LCA5L: variants seen among roughly 807,000 people sequenced by gnomAD.
LCA5L encodes lebercilin-like protein.
LCA5L carries 35 observed loss-of-function variants against 45.4 expected under a neutral mutation model. That is an observed-to-expected ratio of 0.77 (90% CI 0.59 to 1.02). LCA5L has a LOEUF of 1.02. LCA5L is among the 50% of genes least tolerant of loss of function. The pLI is 0.00. For missense variants in LCA5L, 668 were observed against 761.6 expected (o/e 0.88, Z 1.45); for synonymous variants, 233 against 264.7 (o/e 0.88, Z 1.16).
rs781409076 is a variant in LCA5L at position 39,423,174 on chromosome 21, T to G, written c.639A>C (p.Leu213=). The part of the protein sequence containing the change: ...HQNEVKNLRQ[L]LRKSQEKERT... ...TTTCCTTTTCCTGGGATTTCCTAAG[T>G]AGTTGCCTTAAATTTTTTACTTCAT... The change falls in exon 6 of 11, where the codon CTA becomes CTC. Residue 213 remains leucine, a synonymous_variant. Transcript: ENST00000288350. 6.2e-7 allele frequency: 1 copy of G among 1,613,166 alleles called. No individual in the cohort carries two copies. Among genetic ancestry groups the G allele is most frequent in the African/African-American group, 1.3e-5 (1 of 74,888 alleles).
chr21:39,405,876 T>C lies in LCA5L; in HGVS notation c.*6A>G. On this transcript the variant is annotated 3_prime_UTR_variant, in exon 11 of 11. Coordinates refer to ENST00000288350, the MANE Select transcript of LCA5L (RefSeq NM_152505.4). ...AAACCAGAATGCATTAGGATATTGA[T>C]TATATTTAAATAATTATTTTTCTTT... is the stretch of plus-strand genomic sequence containing the variant. 1 of 1,547,210 alleles carries C rather than the reference T, an allele frequency of 6.5e-7. No individual in the cohort carries two copies. Among genetic ancestry groups the C allele is most frequent in the East Asian group, 2.3e-5 (1 of 43,192 alleles).
At chr21:39,440,240 G>A (rs2076693696) in intron 2 of LCA5L, among the ~76,000 whole-genome samples, 1 of 152,142 alleles carries the variant, frequency 6.6e-6, no homozygotes, top group African/African-American at 2.4e-5. Flanking sequence ...ATGATCCTAA[G>A]CCTGAGGCAG....
Position 39,420,726 on chromosome 21 carries a change from G to T in LCA5L, c.955C>A (p.His319Asn). The change falls in exon 7 of 11, where the codon CAC becomes AAC. Residue 319 changes from histidine (H) to asparagine (N), a missense_variant. Transcript: ENST00000288350. The stretch of plus-strand genomic sequence containing the variant: ...AATACCTTAAGTTTTTGTTGAAGGT[G>T]TTTTACTTCCACCTGCAGAGTCTTG... The part of the protein sequence containing the change: ...ATKTLQVEVK[H>N]LQQKLKEKDR... 1 of 1,612,256 alleles carries T rather than the reference G, an allele frequency of 6.2e-7. No homozygotes were observed. Among genetic ancestry groups the T allele is most frequent in the South Asian group, 1.1e-5 (1 of 90,920 alleles).
rs61154033 is a variant in LCA5L, at chr21:39,442,950, T to C, written c.-246+1185A>G. Among the ~76,000 whole-genome samples, 627 of 152,076 alleles carry C rather than the reference T, an allele frequency of 4.1e-3. 5 individuals are homozygous for C. The highest frequency in any genetic ancestry group is 0.015 in the African/African-American group (609 of 41,476). On this transcript the variant is annotated intron_variant, in intron 2 of 10. Transcript: ENST00000288350. ...GATGCCGAGCTTTGAGAATCTCCAATATTAAGGAGCCTGGGAGAGGAGGGT... is the reference window on the plus strand; with the variant it reads ...GATGCCGAGCTTTGAGAATCTCCAACATTAAGGAGCCTGGGAGAGGAGGGT...
chr21:39,425,659 A>G (rs565762849), intron 5 of LCA5L, among the ~76,000 whole-genome samples: 2 of 152,296 alleles, frequency 1.3e-5, no homozygotes, highest in Admixed American at 1.3e-4. Flanking sequence ...CCCAGGCCGT[A>G]TGGATCAGGC....
intron 5 of LCA5L, among the ~76,000 whole-genome samples, chr21:39,425,621 T>G (rs1335584793): frequency 6.6e-6 from 1 of 152,190 alleles, no homozygotes; most frequent in Non-Finnish European, 1.5e-5. Context: ...ACTTTAATAC[T>G]CTGGGCACTG....
At chr21:39,421,476 G>A (rs2147662686) in intron 6 of LCA5L, 1 of 152,206 alleles carries the variant, frequency 6.6e-6, no homozygotes, top group African/African-American at 2.4e-5. Context: ...GTTATAAAAG[G>A]GACTCAAACC....
At chr21:39,419,523 C>CAAAAAAAAAAAAA (rs5843964) in intron 7 of LCA5L, among the ~76,000 whole-genome samples, 1 of 123,552 alleles carries the variant, frequency 8.1e-6, no homozygotes, top group African/African-American at 3.6e-5. Context: ...AGACCCTGTT[C>CAAAAAAAAAAAAA]AAAAAAAAAA....
chr21:39,411,943 A>G (rs2040155162), intron 7 of LCA5L, 141 bp from the exon 8 acceptor site: 2 of 540,062 alleles, frequency 3.7e-6, no homozygotes, highest in Admixed American at 6.8e-5. Context: ...AGGCCATATC[A>G]TCCTATACCA....
intron 5 of LCA5L, 111 bp from the exon 6 acceptor site, chr21:39,423,601 C>T (rs2074112444): frequency 2.3e-6 from 2 of 878,666 alleles, no homozygotes; most frequent in South Asian, 2.2e-5. Flanking sequence ...CACACACATA[C>T]ACACAAGCGT....
chr21:39,423,555 G>A, intron 5 of LCA5L, 65 bp from the exon 6 acceptor site: 2 of 1,377,066 alleles, frequency 1.5e-6, no homozygotes, highest in Admixed American at 4.9e-5. Flanking sequence ...ATGCACATAT[G>A]CATAATCTCT....
intron 2 of LCA5L, among the ~76,000 whole-genome samples, chr21:39,442,940 G>A (rs564932598): frequency 6.6e-6 from 1 of 152,186 alleles, no homozygotes; most frequent in Non-Finnish European, 1.5e-5. Context: ...CGAGCTTTGA[G>A]AATCTCCAAT....
chr21:39,405,951 A>G lies in LCA5L; in HGVS notation c.1944T>C (p.Ser648=). 2 of 1,613,626 alleles carry G rather than the reference A, an allele frequency of 1.2e-6. No homozygotes were observed. Among genetic ancestry groups the G allele is most frequent in the Non-Finnish European group, 1.7e-6 (2 of 1,179,532 alleles). Reference sequence around the variant, plus strand: ...TAATAGAATTTACCACAGTTACTTTAGAGTCTCCGAAAGCATGGCTGGTGG... The same window carrying G: ...TAATAGAATTTACCACAGTTACTTTGGAGTCTCCGAAAGCATGGCTGGTGG... ...QASTSHAFGD[S]KVTVVNSIKP... is the part of the protein sequence containing the mutation. The change falls in exon 11 of 11, where the codon TCT becomes TCC. Residue 648 remains serine, a synonymous_variant. Transcript: ENST00000288350.
chr21:39,406,456 C>T lies in LCA5L; in HGVS notation c.1439G>A (p.Arg480Lys). Residue 480 changes from arginine to lysine, a missense_variant, in exon 11 of 11, where the codon AGA becomes AAA. By Grantham distance (26) the Arg-to-Lys change is conservative. Transcript: ENST00000288350. ...TAGAACATCTTCTTGATTGCTTTCTCTTTCAGGATGAATAACTTCAATTAT... is the reference window on the plus strand; with the variant it reads ...TAGAACATCTTCTTGATTGCTTTCTTTTTCAGGATGAATAACTTCAATTAT... Reference protein sequence around the residue: ...PKIIEVIHPERESNQEDVLVR... With the variant: ...PKIIEVIHPEKESNQEDVLVR... 6.2e-7 allele frequency: 1 copy of T among 1,614,076 alleles called. No individual in the cohort carries two copies. Among genetic ancestry groups the T allele is most frequent in the Non-Finnish European group, 8.5e-7 (1 of 1,180,004 alleles).
Position 39,420,411 on chromosome 21 carries a change from T to C in LCA5L, c.975+295A>G, listed in dbSNP as rs2042083439. ...GGTGTTGCATGCCTGTACTCCTAGC[T>C]ACTCAGGAGGTTGAGATAAGAGAAT... On this transcript the variant is annotated intron_variant, in intron 7 of 10. Transcript: ENST00000288350. Among the ~76,000 whole-genome samples, 3 of 147,500 alleles carry C rather than the reference T, an allele frequency of 2.0e-5. No individual in the cohort carries two copies. The South Asian group carries it at 6.4e-4, about 31-fold the overall frequency.
At chr21:39,436,260 T>G (rs2076277718) in intron 2 of LCA5L, 1 of 152,242 alleles carries the variant, frequency 6.6e-6, no homozygotes, top group African/African-American at 2.4e-5. Flanking sequence ...GTGACTGATT[T>G]AGTATTATAT....
Position 39,410,046 on chromosome 21 carries a change from T to G in LCA5L, c.1215A>C (p.Ile405=), listed in dbSNP as rs753490630. The change falls in exon 10 of 11, where the codon ATA becomes ATC. Residue 405 remains isoleucine, a synonymous_variant. Coordinates refer to ENST00000288350, the MANE Select transcript of LCA5L (RefSeq NM_152505.4). ...NIDHKEKSTE[I]NHEIPHCVNK... Reference sequence around the variant, plus strand: ...TCACACAGTGAGGAATTTCATGATTTATTTCAGTTGATTTTTCTTTATGAT... The same window carrying G: ...TCACACAGTGAGGAATTTCATGATTGATTTCAGTTGATTTTTCTTTATGAT... 13 of 1,611,272 alleles carry G rather than the reference T, an allele frequency of 8.1e-6. No homozygotes were observed. Among genetic ancestry groups the G allele is most frequent in the Non-Finnish European group, 1.1e-5 (13 of 1,177,956 alleles).
intron 6 of LCA5L, chr21:39,422,628 G>C: frequency 2.7e-6 from 1 of 374,166 alleles, no homozygotes. Context: ...ACTTCAAAGA[G>C]AGGTTTCACG....
intron 7 of LCA5L, among the ~76,000 whole-genome samples, chr21:39,413,429 G>GA (rs1448401814): frequency 6.6e-6 from 1 of 152,180 alleles, no homozygotes; most frequent in African/African-American, 2.4e-5. Context: ...TAATTTGTGG[G>GA]ACTGGGGCTC....
Sources: allele counts gnomAD v4.1 joint callset (sites outside exome capture counted in the v4.1 genomes callset), GRCh38; gene constraint gnomAD v4.1.1; transcripts MANE v1.5; gene names NCBI Gene and HGNC (gene_info 2026-07-23, HGNC 2026-07-21).